ZNF804A: variants seen among roughly 807,000 people sequenced by gnomAD.
The protein encoded by ZNF804A is zinc finger protein 804A.
Under a neutral mutation model 16.5 loss-of-function variants are expected in ZNF804A, and 2 were observed. The observed-to-expected ratio is 0.12, with a 90% CI of 0.05 to 0.38. The LOEUF is 0.38. ZNF804A is among the 10% of genes least tolerant of loss of function. The probability of loss-of-function intolerance (pLI) is 0.99; values close to 1 mark genes in which losing one functional copy is unlikely to be tolerated. For synonymous variants in ZNF804A, 534 were observed against 489.6 expected (o/e 1.09, Z -1.20); for missense variants, 1,473 against 1,390.7 (o/e 1.06, Z -0.94).
intron 1 of ZNF804A, among the ~76,000 whole-genome samples, chr2:184,844,314 C>G (rs921866491): frequency 3.3e-5 from 5 of 151,956 alleles, no homozygotes; most frequent in African/African-American, 1.2e-4. Flanking sequence ...ATAAAATATA[C>G]CACTTAACCT....
intron 1 of ZNF804A, among the ~76,000 whole-genome samples, chr2:184,798,691 C>T (rs1310145287): frequency 6.6e-6 from 1 of 152,126 alleles, no homozygotes; most frequent in African/African-American, 2.4e-5. Flanking sequence ...CTGGTTCCTT[C>T]CTGATTAGCT....
chr2:184,904,051 A>G (rs537949157), intron 2 of ZNF804A, among the ~76,000 whole-genome samples: 2 of 152,204 alleles, frequency 1.3e-5, no homozygotes, highest in Non-Finnish European at 2.9e-5. Flanking sequence ...ACATATAAAA[A>G]TTAGTTGTGT....
At chr2:184,677,276 A>G (rs1692454603) in intron 1 of ZNF804A, among the ~76,000 whole-genome samples, 1 of 151,914 alleles carries the variant, frequency 6.6e-6, no homozygotes, top group Non-Finnish European at 1.5e-5. Flanking sequence ...GTCATTCTTG[A>G]TGTTGATTGT....
At chr2:184,791,319 C>T (rs767981517) in intron 1 of ZNF804A, among the ~76,000 whole-genome samples, 1 of 151,970 alleles carries the variant, frequency 6.6e-6, no homozygotes, top group Non-Finnish European at 1.5e-5. Context: ...CTTTCATTTC[C>T]GTATTTGAAA....
intron 2 of ZNF804A, among the ~76,000 whole-genome samples, chr2:184,903,061 C>T (rs897581250): frequency 9.9e-5 from 15 of 152,104 alleles, no homozygotes; most frequent in Non-Finnish European, 1.3e-4. Flanking sequence ...GTAGGTTTTC[C>T]ACAGCTGCAG....
At chr2:184,909,815 T>G (rs1685329221) in intron 2 of ZNF804A, among the ~76,000 whole-genome samples, 1 of 152,022 alleles carries the variant, frequency 6.6e-6, no homozygotes. Context: ...GCAGTATATG[T>G]GTTTTACATA....
chr2:184,638,171 A>G (rs998321755), intron 1 of ZNF804A, among the ~76,000 whole-genome samples: 5 of 152,192 alleles, frequency 3.3e-5, no homozygotes, highest in African/African-American at 1.2e-4. Context: ...GGTTTCACAG[A>G]GATTTTTCAA....
At chr2:184,614,207 G>T (rs1339370985) in intron 1 of ZNF804A, among the ~76,000 whole-genome samples, 1 of 152,146 alleles carries the variant, frequency 6.6e-6, no homozygotes, top group East Asian at 1.9e-4. Context: ...TTTAATAAAG[G>T]TGTTGGGAAA....
At chr2:184,808,728 T>C (rs1018626621) in intron 1 of ZNF804A, among the ~76,000 whole-genome samples, 1 of 151,630 alleles carries the variant, frequency 6.6e-6, no homozygotes, top group Non-Finnish European at 1.5e-5. Context: ...AAAAATTGGT[T>C]TTAGAATCCA....
intron 1 of ZNF804A, among the ~76,000 whole-genome samples, chr2:184,855,759 G>A (rs1213665014): frequency 1.3e-5 from 2 of 151,890 alleles, no homozygotes; most frequent in Non-Finnish European, 2.9e-5. Context: ...CAGTGAGTTG[G>A]AACACAGTAA....
chr2:184,770,380 CA>C (rs1694191465), intron 1 of ZNF804A, among the ~76,000 whole-genome samples: 1 of 151,854 alleles, frequency 6.6e-6, no homozygotes, highest in African/African-American at 2.4e-5. Flanking sequence ...ATAACGTTTT[CA>C]TAAATTGGCC....
At chr2:184,777,463 A>G (rs891730231) in intron 1 of ZNF804A, among the ~76,000 whole-genome samples, 5 of 151,528 alleles carry the variant, frequency 3.3e-5, no homozygotes, top group African/African-American at 1.2e-4. Context: ...ACGAGGAAGT[A>G]TCTGAACTGC....
intron 1 of ZNF804A, among the ~76,000 whole-genome samples, chr2:184,721,432 A>G (rs1693313299): frequency 6.6e-6 from 1 of 152,130 alleles, no homozygotes; most frequent in Non-Finnish European, 1.5e-5. Flanking sequence ...ACATTCATAG[A>G]TATTTCTCAA....
chr2:184,605,140 T>A (rs1175762709), intron 1 of ZNF804A, among the ~76,000 whole-genome samples: 1 of 152,150 alleles, frequency 6.6e-6, no homozygotes, highest in Non-Finnish European at 1.5e-5. Flanking sequence ...TGATATGGCA[T>A]TGAAATAGTT....
intron 2 of ZNF804A, among the ~76,000 whole-genome samples, chr2:184,920,410 CCTGAGATAT>C (rs1239028003): frequency 6.6e-6 from 1 of 152,024 alleles, no homozygotes; most frequent in Non-Finnish European, 1.5e-5. Context: ...GAGAGTTTTC[CCTGAGATAT>C]CTGTTTGGGT....
chr2:184,786,194 A>G (rs938853237), intron 1 of ZNF804A, among the ~76,000 whole-genome samples: 1 of 152,026 alleles, frequency 6.6e-6, no homozygotes, highest in African/African-American at 2.4e-5. Flanking sequence ...TTTCTTACAC[A>G]TCCTTTCTAG....
At chr2:184,725,838 A>C (rs193194241) in intron 1 of ZNF804A, among the ~76,000 whole-genome samples, 8 of 151,516 alleles carry the variant, frequency 5.3e-5, no homozygotes, top group Non-Finnish European at 1.0e-4. Flanking sequence ...GTAACCACTA[A>C]TGTGTTTTAG....
chr2:184,660,348 TA>T (rs957343215), intron 1 of ZNF804A, among the ~76,000 whole-genome samples: 3 of 152,132 alleles, frequency 2.0e-5, no homozygotes, highest in Non-Finnish European at 2.9e-5. Flanking sequence ...AAATACTTTA[TA>T]AAAAAAATCT....
At chr2:184,743,236 C>G (rs550024568) in intron 1 of ZNF804A, among the ~76,000 whole-genome samples, 4 of 152,080 alleles carry the variant, frequency 2.6e-5, no homozygotes, top group Middle Eastern at 3.4e-3. Flanking sequence ...CACTTGAATT[C>G]AAAGCCAAAA....
Sources: allele counts gnomAD v4.1 joint callset (sites outside exome capture counted in the v4.1 genomes callset), GRCh38; gene constraint gnomAD v4.1.1; transcripts MANE v1.5; gene names NCBI Gene and HGNC (gene_info 2026-07-23, HGNC 2026-07-21).